LMBRD1: variants seen among roughly 807,000 people sequenced by gnomAD.
The protein encoded by LMBRD1 is LMBR1 domain containing 1.
Under a neutral mutation model 74.8 loss-of-function variants are expected in LMBRD1, and 64 were observed. That is an observed-to-expected ratio of 0.86 (90% CI 0.70 to 1.05). The LOEUF (loss-of-function observed/expected upper bound fraction) is 1.05, where lower values mean the gene tolerates loss of function less well. Ranked by LOEUF, LMBRD1 falls within the 50% of genes least tolerant of loss-of-function variation. LMBRD1 has a pLI of 0.00. For synonymous variants in LMBRD1, 204 were observed against 216.3 expected, an observed-to-expected ratio of 0.94 and a Z score of 0.50; for missense variants, 652 against 645.9, an observed-to-expected ratio of 1.01 and a Z score of -0.10.
chr6:69,732,932 G>A (rs1373189605), intron 7 of LMBRD1, among the ~76,000 whole-genome samples: 3 of 152,066 alleles, frequency 2.0e-5, no homozygotes. Context: ...CCCTTTCAAT[G>A]TAAGCTTAAA....
chr6:69,775,918 A>C (rs1765688635), intron 3 of LMBRD1, among the ~76,000 whole-genome samples: 1 of 152,256 alleles, frequency 6.6e-6, no homozygotes, highest in South Asian at 2.1e-4. Flanking sequence ...AAAGGAAATA[A>C]GTGACAGTAT....
chr6:69,685,886 GT>G (rs1765754092), intron 14 of LMBRD1, among the ~76,000 whole-genome samples: 2 of 152,136 alleles, frequency 1.3e-5, no homozygotes, highest in Non-Finnish European at 2.9e-5. Flanking sequence ...GCATGCGAAA[GT>G]TTGATAACCT....
At chr6:69,699,936 AG>A (rs1381849020) in intron 12 of LMBRD1, among the ~76,000 whole-genome samples, 1 of 151,878 alleles carries the variant, frequency 6.6e-6, no homozygotes, top group African/African-American at 2.4e-5. Context: ...AAACATGAAA[AG>A]GAAAGCAGAA....
chr6:69,716,879 TTTAA>T (rs542259448), intron 8 of LMBRD1, among the ~76,000 whole-genome samples: 249 of 150,914 alleles, frequency 1.6e-3, no homozygotes, highest in African/African-American at 5.8e-3. Context: ...TAAATAAATA[TTTAA>T]TTATTAATTA....
chr6:69,696,096 G>A (rs930448726), intron 14 of LMBRD1, among the ~76,000 whole-genome samples: 21 of 152,138 alleles, frequency 1.4e-4, no homozygotes, highest in African/African-American at 4.1e-4. Flanking sequence ...CGCCTGCCTC[G>A]GCCTCCCAGT....
chr6:69,783,167 G>A (rs1293865441), intron 2 of LMBRD1, among the ~76,000 whole-genome samples: 2 of 151,970 alleles, frequency 1.3e-5, no homozygotes, highest in African/African-American at 4.8e-5. Flanking sequence ...ACATATTATA[G>A]AAAAAATGAA....
At chr6:69,762,735 AC>A (rs1294497546) in intron 3 of LMBRD1, among the ~76,000 whole-genome samples, 1 of 152,090 alleles carries the variant, frequency 6.6e-6, no homozygotes, top group African/African-American at 2.4e-5. Context: ...CCATCATGGG[AC>A]TGGTGTCCTT....
chr6:69,705,741 T>C, intron 9 of LMBRD1: 2 of 1,188,780 alleles, frequency 1.7e-6, no homozygotes, highest in Non-Finnish European at 2.5e-6. Context: ...GACAGACCAC[T>C]TTCCAGATAT....
At chr6:69,777,040 C>T (rs999485638) in intron 3 of LMBRD1, among the ~76,000 whole-genome samples, 3 of 151,974 alleles carry the variant, frequency 2.0e-5, no homozygotes, top group Non-Finnish European at 4.4e-5. Flanking sequence ...CGCAGCTACT[C>T]GGGAGGCCGA....
chr6:69,683,168 A>T (rs1455129104), intron 14 of LMBRD1, among the ~76,000 whole-genome samples: 1 of 152,006 alleles, frequency 6.6e-6, no homozygotes, highest in East Asian at 1.9e-4. Flanking sequence ...AAGAAAAATG[A>T]TGCTCTGATC....
intron 9 of LMBRD1, among the ~76,000 whole-genome samples, chr6:69,709,014 C>T (rs532843700): frequency 2.8e-4 from 43 of 152,206 alleles, no homozygotes; most frequent in African/African-American, 8.4e-4. Flanking sequence ...GCAGGCAGAT[C>T]GCCTGAGGTC....
intron 5 of LMBRD1, among the ~76,000 whole-genome samples, chr6:69,745,320 G>A (rs1382715664): frequency 4.8e-5 from 7 of 146,010 alleles, no homozygotes; most frequent in Admixed American, 2.7e-4. Flanking sequence ...CTGCAGTGGC[G>A]CAATCTCGGC....
Position 69,676,555 on chromosome 6 carries a change from TAA to T in LMBRD1, c.1418-16_1418-15del. 1 of 1,574,416 alleles carries T rather than the reference TAA, an allele frequency of 6.4e-7. No homozygotes were observed. Among genetic ancestry groups the T allele is most frequent in the South Asian group, 1.1e-5 (1 of 90,250 alleles). On this transcript the variant is annotated splice_polypyrimidine_tract_variant and intron_variant, in intron 14 of 15. Coordinates refer to ENST00000649934, the MANE Select transcript of LMBRD1 (RefSeq NM_018368.4). ...CAGTACACTGATCTGTGAAAGCAAA[TAA>T]AAGACTATGGTGAGATAGGTTCTTT...
chr6:69,724,217 T>C (rs1238830661), intron 7 of LMBRD1, among the ~76,000 whole-genome samples: 1 of 151,612 alleles, frequency 6.6e-6, no homozygotes, highest in East Asian at 1.9e-4. Flanking sequence ...GCTGATCCAC[T>C]GCCGAATTCT....
chr6:69,759,831 T>C (rs1241845571), intron 3 of LMBRD1, among the ~76,000 whole-genome samples: 1 of 152,110 alleles, frequency 6.6e-6, no homozygotes, highest in Non-Finnish European at 1.5e-5. Context: ...AAAAATTTCT[T>C]AAATCAATAA....
intron 7 of LMBRD1, among the ~76,000 whole-genome samples, chr6:69,726,777 C>CAA (rs34775384): frequency 8.2e-5 from 9 of 109,716 alleles, no homozygotes; most frequent in African/African-American, 2.3e-4. Flanking sequence ...TTACTAGGTA[C>CAA]AAAAAAAAAA....
At chr6:69,741,952 AT>A in intron 5 of LMBRD1, 75 bp from the exon 6 acceptor site, 3 of 850,186 alleles carry the variant, frequency 3.5e-6, no homozygotes, top group Non-Finnish European at 5.8e-6. Flanking sequence ...AACTCAAATT[AT>A]TTTTCTCCAA....
intron 7 of LMBRD1, among the ~76,000 whole-genome samples, chr6:69,732,871 T>C (rs564341683): frequency 1.3e-5 from 2 of 152,286 alleles, no homozygotes; most frequent in Non-Finnish European, 2.9e-5. Context: ...TATCTACATA[T>C]ATATCCGTGC....
chr6:69,703,444 A>T (rs1766177396), intron 9 of LMBRD1, among the ~76,000 whole-genome samples: 1 of 147,850 alleles, frequency 6.8e-6, no homozygotes, highest in Admixed American at 6.8e-5. Context: ...TCTCTTTGGT[A>T]TCCATTTTGG....
Sources: gnomAD v4.1 joint callset for allele counts (sites outside exome capture counted in the v4.1 genomes callset) on GRCh38, gnomAD v4.1.1 for gene constraint, MANE v1.5 for transcripts, NCBI Gene and HGNC (gene_info 2026-07-23, HGNC 2026-07-21) for gene names.